MAPK8: variants seen among roughly 807,000 people sequenced by gnomAD.
The protein encoded by MAPK8 is JUN N-terminal kinase.
MAPK8 carries 13 observed loss-of-function variants against 52.9 expected under a neutral mutation model. That is an observed-to-expected ratio of 0.25 (90% CI 0.16 to 0.39). The LOEUF (loss-of-function observed/expected upper bound fraction) is 0.39, where lower values mean the gene tolerates loss of function less well. Ranked by LOEUF, MAPK8 falls within the 10% of genes least tolerant of loss-of-function variation. MAPK8 has a pLI of 1.00. For synonymous variants in MAPK8, 191 were observed against 169.8 expected (o/e 1.12, Z -0.97); for missense variants, 300 against 519.2 (o/e 0.58, Z 4.10).
At chr10:48,412,634 A>T (rs906460164) in intron 5 of MAPK8, among the ~76,000 whole-genome samples, 3 of 152,132 alleles carry the variant, frequency 2.0e-5, no homozygotes, top group African/African-American at 7.2e-5. Context: ...CCATGTTTTC[A>T]AGGAATGCCT....
intron 1 of MAPK8, among the ~76,000 whole-genome samples, chr10:48,366,678 C>T (rs963196658): frequency 3.3e-5 from 5 of 152,092 alleles, no homozygotes; most frequent in African/African-American, 7.2e-5. Context: ...TCTTTATTCT[C>T]TTCTATTTCA....
rs1237370776 is a variant in MAPK8, at chr10:48,437,268, A to T, written c.*2239A>T. On this transcript the variant is annotated 3_prime_UTR_variant, in exon 12 of 12. Coordinates refer to ENST00000374189, the MANE Select transcript of MAPK8 (RefSeq NM_001323329.2). Reference sequence around the variant, plus strand: ...CATGCCCTAGGTTTTAAATTACTACATCCAAATACAGTTTTCGTCTTAAAT... The same window carrying T: ...CATGCCCTAGGTTTTAAATTACTACTTCCAAATACAGTTTTCGTCTTAAAT... 1 of 152,222 alleles carries T rather than the reference A, an allele frequency of 6.6e-6. No individual in the cohort carries two copies. The highest frequency in any genetic ancestry group is 2.4e-5 in the African/African-American group (1 of 41,460). 9.4% of individuals were successfully genotyped at this position (152,222 alleles called of 1,614,324 possible). A position where few individuals can be genotyped will look rare whatever the true frequency, so the allele number is the denominator to read the frequency against.
At chr10:48,365,613 C>T (rs755254964) in intron 1 of MAPK8, among the ~76,000 whole-genome samples, 6 of 151,964 alleles carry the variant, frequency 3.9e-5, no homozygotes, top group South Asian at 2.1e-4. Context: ...ACCAAAATAA[C>T]GATAAACTAA....
At chr10:48,408,117 G>T (rs914485437) in intron 3 of MAPK8, among the ~76,000 whole-genome samples, 1 of 152,162 alleles carries the variant, frequency 6.6e-6, no homozygotes, top group Non-Finnish European at 1.5e-5. Flanking sequence ...CCCTTATAAA[G>T]TTTATGCCTA....
intron 5 of MAPK8, among the ~76,000 whole-genome samples, chr10:48,417,970 T>C (rs1409212940): frequency 2.6e-5 from 4 of 152,192 alleles, no homozygotes; most frequent in African/African-American, 9.7e-5. Context: ...GTCAAAGCCA[T>C]GTAGTAAATA....
chr10:48,340,169 A>G (rs900783985), intron 1 of MAPK8, among the ~76,000 whole-genome samples: 4 of 152,224 alleles, frequency 2.6e-5, no homozygotes, highest in Non-Finnish European at 5.9e-5. Context: ...TCAACAGTGG[A>G]TTAGATAAAA....
intron 3 of MAPK8, among the ~76,000 whole-genome samples, chr10:48,407,249 G>T (rs571917995): frequency 6.6e-6 from 1 of 152,100 alleles, no homozygotes; most frequent in East Asian, 1.9e-4. Context: ...CAGAAATTAC[G>T]TGTCTAACTA....
chr10:48,337,207 C>T (rs1844771943), intron 1 of MAPK8, among the ~76,000 whole-genome samples: 1 of 152,090 alleles, frequency 6.6e-6, no homozygotes, highest in Admixed American at 6.6e-5. Flanking sequence ...TGACCACATG[C>T]TCAGTCATAA....
At chr10:48,367,437 A>G (rs1289013523) in intron 1 of MAPK8, among the ~76,000 whole-genome samples, 1 of 151,546 alleles carries the variant, frequency 6.6e-6, no homozygotes, top group Non-Finnish European at 1.5e-5. Flanking sequence ...ATAAATTTCA[A>G]GTTAATTGTT....
At chr10:48,319,583 G>A (rs1049361734) in intron 1 of MAPK8, among the ~76,000 whole-genome samples, 1 of 150,962 alleles carries the variant, frequency 6.6e-6, no homozygotes, top group Non-Finnish European at 1.5e-5. Flanking sequence ...TCCACCTCCC[G>A]GGTTCAAGCA....
intron 1 of MAPK8, among the ~76,000 whole-genome samples, chr10:48,369,959 T>A (rs1182097034): frequency 6.6e-6 from 1 of 152,076 alleles, no homozygotes; most frequent in African/African-American, 2.4e-5. Flanking sequence ...AAAATAAATA[T>A]AAACAGTGCT....
At chr10:48,408,501 T>A (rs904774061) in intron 3 of MAPK8, among the ~76,000 whole-genome samples, 1 of 152,226 alleles carries the variant, frequency 6.6e-6, no homozygotes, top group Non-Finnish European at 1.5e-5. Context: ...AAAACTAGCA[T>A]AGCTAAAGTA....
chr10:48,425,063 G>A, intron 7 of MAPK8: 2 of 637,850 alleles, frequency 3.1e-6, no homozygotes, highest in Non-Finnish European at 5.7e-6. Flanking sequence ...TAGTAGTTTT[G>A]TATGGTAACG....
chr10:48,395,144 A>G (rs2041825581), intron 1 of MAPK8, among the ~76,000 whole-genome samples: 1 of 151,962 alleles, frequency 6.6e-6, no homozygotes, highest in Non-Finnish European at 1.5e-5. Flanking sequence ...CCTTTTTTGT[A>G]AAAATTGACA....
intron 2 of MAPK8, among the ~76,000 whole-genome samples, chr10:48,404,134 T>C (rs1401106739): frequency 6.6e-6 from 1 of 151,312 alleles, no homozygotes; most frequent in African/African-American, 2.4e-5. Flanking sequence ...TGTGTTTACA[T>C]AGAATTATTC....
chr10:48,401,380 T>C (rs1202405299), intron 1 of MAPK8, among the ~76,000 whole-genome samples: 2 of 152,158 alleles, frequency 1.3e-5, no homozygotes, highest in Non-Finnish European at 2.9e-5. Context: ...AACTTCTAGA[T>C]TGGAGGAATG....
At chr10:48,333,948 C>A (rs1334463640) in intron 1 of MAPK8, among the ~76,000 whole-genome samples, 4 of 152,232 alleles carry the variant, frequency 2.6e-5, no homozygotes, top group East Asian at 3.9e-4. Context: ...CTTCTGCCAT[C>A]TCCACCTCCT....
At chr10:48,376,393 CTGAT>C (rs2040663255) in intron 1 of MAPK8, among the ~76,000 whole-genome samples, 1 of 151,848 alleles carries the variant, frequency 6.6e-6, no homozygotes, top group Non-Finnish European at 1.5e-5. Context: ...TAAATGGTAT[CTGAT>C]TAAAGAGTTT....
chr10:48,372,456 TAA>T (rs2040383933), intron 1 of MAPK8, among the ~76,000 whole-genome samples: 1 of 151,968 alleles, frequency 6.6e-6, no homozygotes, highest in Non-Finnish European at 1.5e-5. Context: ...TAACCCAATG[TAA>T]GGAAGCTAAG....
Sources: gnomAD v4.1 joint callset for allele counts (sites outside exome capture counted in the v4.1 genomes callset) on GRCh38, gnomAD v4.1.1 for gene constraint, MANE v1.5 for transcripts, NCBI Gene and HGNC (gene_info 2026-07-23, HGNC 2026-07-21) for gene names.